The following BCAS2 variants were observed in gnomAD, a reference collection of about 807,000 sequenced individuals.
BCAS2 encodes the protein BCAS2 pre-mRNA processing factor.
BCAS2 carries 34 observed loss-of-function variants against 35.3 expected under a neutral mutation model. The ratio of observed to expected loss-of-function variants is 0.96; its 90% CI spans 0.73 to 1.28. The LOEUF is 1.28. BCAS2 is among the 50% of genes most tolerant of loss of function. The probability of loss-of-function intolerance (pLI) is 0.00; values close to 1 mark genes in which losing one functional copy is unlikely to be tolerated. For synonymous variants in BCAS2, 75 were observed against 91.6 expected, an observed-to-expected ratio of 0.82 and a Z score of 1.03; for missense variants, 221 against 268.1, an observed-to-expected ratio of 0.82 and a Z score of 1.23.
chr1:114,569,858 G>A, intron 6 of BCAS2, 134 bp downstream of exon 6: 2 of 682,146 alleles, frequency 2.9e-6, no homozygotes, highest in Non-Finnish European at 5.1e-6. Flanking sequence ...CAGAGACGGG[G>A]AAGGGTGAAT....
intron 2 of BCAS2, among the ~76,000 whole-genome samples, chr1:114,580,336 G>A (rs537315722): frequency 2.2e-4 from 34 of 152,278 alleles, no homozygotes; most frequent in African/African-American, 7.9e-4. Context: ...ATTTAGAAAT[G>A]ATATCTTACA....
chr1:114,571,824 G>T (rs929993765), intron 4 of BCAS2, among the ~76,000 whole-genome samples: 1 of 152,106 alleles, frequency 6.6e-6, no homozygotes, highest in African/African-American at 2.4e-5. Context: ...GTGAGAAAAA[G>T]AAAACTGTTG....
chr1:114,571,416 G>A (rs1409562788), intron 4 of BCAS2, among the ~76,000 whole-genome samples: 3 of 152,106 alleles, frequency 2.0e-5, no homozygotes, highest in African/African-American at 4.8e-5. Context: ...AAGCTGGAGT[G>A]TAGTGGTGCA....
intron 2 of BCAS2, among the ~76,000 whole-genome samples, chr1:114,579,545 G>A (rs1021063627): frequency 1.3e-5 from 2 of 152,142 alleles, no homozygotes; most frequent in African/African-American, 4.8e-5. Flanking sequence ...AGGAAAACAC[G>A]TTCATAGGAA....
intron 4 of BCAS2, among the ~76,000 whole-genome samples, chr1:114,573,621 G>A (rs894414376): frequency 2.0e-5 from 3 of 152,144 alleles, no homozygotes; most frequent in Admixed American, 1.3e-4. Flanking sequence ...TGGTTACTTG[G>A]CATAAAACTT....
At chr1:114,575,318 G>C (rs1417723647) in intron 4 of BCAS2, among the ~76,000 whole-genome samples, 1 of 149,402 alleles carries the variant, frequency 6.7e-6, no homozygotes, top group African/African-American at 2.5e-5. Context: ...CTCCAGAGTA[G>C]CTGGGATTAC....
rs377453007 is a variant in BCAS2 at position 114,576,676 on chromosome 1, T to C, written c.257+12A>G. ...ACAAACTAAATTTTAATTTCCATTT[T>C]AATATTCTTACCGTTTCATACTGAG... is the stretch of plus-strand genomic sequence containing the variant. On this transcript the variant is annotated intron_variant, in intron 3 of 6. Coordinates refer to ENST00000369541, the MANE Select transcript of BCAS2 (RefSeq NM_005872.3). 8.1e-6 allele frequency: 13 copies of C among 1,595,228 alleles called. No homozygotes were observed. Among genetic ancestry groups the C allele is most frequent in the Admixed American group, 1.7e-5 (1 of 59,192 alleles).
intron 2 of BCAS2, among the ~76,000 whole-genome samples, chr1:114,579,139 G>A (rs961168320): frequency 6.6e-6 from 1 of 152,164 alleles, no homozygotes; most frequent in Non-Finnish European, 1.5e-5. Flanking sequence ...AGTTGGGCAT[G>A]GTAGTGCGTG....
At chr1:114,569,553 G>C (rs577908003) in intron 6 of BCAS2, among the ~76,000 whole-genome samples, 17 of 151,042 alleles carry the variant, frequency 1.1e-4, no homozygotes, top group African/African-American at 4.1e-4. Flanking sequence ...GCCCAGGCTG[G>C]AGTGCAGTGG....
chr1:114,581,262 G>A, intron 2 of BCAS2, 37 bp downstream of exon 2: 4 of 1,600,102 alleles, frequency 2.5e-6, no homozygotes, highest in Non-Finnish European at 3.4e-6. Context: ...AGGTTCACAG[G>A]AATTCTCGTT....
chr1:114,573,352 T>G (rs1654689908), intron 4 of BCAS2, among the ~76,000 whole-genome samples: 2 of 151,984 alleles, frequency 1.3e-5, no homozygotes, highest in African/African-American at 4.8e-5. Flanking sequence ...TTTTTTTCTT[T>G]TTTTTGAAAC....
At chr1:114,570,556 C>T (rs1654618744) in intron 5 of BCAS2, 144 bp downstream of exon 5, 1 of 653,770 alleles carries the variant, frequency 1.5e-6, no homozygotes, top group South Asian at 2.0e-5. Flanking sequence ...GTAGGGCAAA[C>T]CCAGTGTCAG....
chr1:114,573,546 C>T (rs368969144), intron 4 of BCAS2, among the ~76,000 whole-genome samples: 363 of 152,268 alleles, frequency 2.4e-3, no homozygotes, highest in Middle Eastern at 0.014. Flanking sequence ...CATCTCTTAA[C>T]GCTTAGTTTA....
At chr1:114,580,293 A>G (rs1401239044) in intron 2 of BCAS2, among the ~76,000 whole-genome samples, 1 of 152,236 alleles carries the variant, frequency 6.6e-6, no homozygotes, top group African/African-American at 2.4e-5. Context: ...AAAATCCTCC[A>G]AGCTGTACAT....
rs1230673352 is a variant in BCAS2 at position 114,568,145 on chromosome 1, G to A, written c.663C>T (p.Ile221=). ...AATTGTCTTTTCAGAAGTCTTGCCG[G>A]ATGTTTTCTTTGTTTGCCTCTCCAT... The part of the protein sequence containing the change: ...QQHGEANKEN[I]RQDF The change falls in exon 7 of 7, where the codon ATC becomes ATT. Residue 221 remains isoleucine, a synonymous_variant. Coordinates refer to ENST00000369541, the MANE Select transcript of BCAS2 (RefSeq NM_005872.3). 6.2e-7 allele frequency: 1 copy of A among 1,612,596 alleles called. No individual in the cohort carries two copies. The highest frequency in any genetic ancestry group is 1.7e-5 in the Admixed American group (1 of 59,998).
intron 2 of BCAS2, among the ~76,000 whole-genome samples, chr1:114,577,168 TG>T (rs1557932370): frequency 1.3e-5 from 2 of 152,224 alleles, no homozygotes; most frequent in Non-Finnish European, 2.9e-5. Context: ...AATCCATTCA[TG>T]GGTTAATAAG....
At chr1:114,577,373 A>ATTT (rs151333752) in intron 2 of BCAS2, among the ~76,000 whole-genome samples, 3,567 of 150,744 alleles carry the variant, frequency 0.024, 75 homozygotes, top group Non-Finnish European at 0.039. Flanking sequence ...TTATTTATTT[A>ATTT]TTTATTTTTT....
intron 4 of BCAS2, among the ~76,000 whole-genome samples, chr1:114,575,179 T>C (rs999568019): frequency 4.1e-5 from 5 of 123,334 alleles, no homozygotes; most frequent in African/African-American, 1.2e-4. Context: ...GCTTTTCTTT[T>C]TCTTTTCTTT....
chr1:114,571,003 C>A (rs1654627770), intron 4 of BCAS2, among the ~76,000 whole-genome samples: 1 of 151,812 alleles, frequency 6.6e-6, no homozygotes, highest in South Asian at 2.1e-4. Context: ...ATCCTCCCAC[C>A]TTGGCCTCCC....
Sources: allele counts gnomAD v4.1 joint callset (sites outside exome capture counted in the v4.1 genomes callset), GRCh38; gene constraint gnomAD v4.1.1; transcripts MANE v1.5; gene names NCBI Gene and HGNC (gene_info 2026-07-23, HGNC 2026-07-21).